Variants in EYS observed in about 807,000 individuals in gnomAD.
EYS encodes the protein protein eyes shut homolog.
Under a neutral mutation model 282.1 loss-of-function variants are expected in EYS, and 250 were observed. That is an observed-to-expected ratio of 0.89 (90% CI 0.80 to 0.98). The LOEUF (loss-of-function observed/expected upper bound fraction) is 0.98. EYS is among the 50% of genes least tolerant of loss of function. The pLI is 0.00. For missense variants in EYS, 4,016 were observed against 3,709.0 expected (o/e 1.08, Z -2.15); for synonymous variants, 1,355 against 1,282.9 (o/e 1.06, Z -1.20).
rs118172535 is a variant in EYS, at chr6:64,286,033, T to C, written c.6191+20937A>G. Among the ~76,000 whole-genome samples, 84 of 152,318 alleles carry C rather than the reference T, an allele frequency of 5.5e-4. 2 individuals carry two copies. In the East Asian group the frequency reaches 0.011, roughly 20 times the overall value. On this transcript the variant is annotated intron_variant, in intron 30 of 42. Transcript: ENST00000503581. Reference sequence around the variant, plus strand: ...AAATGGACAAATAGGATATGCCACATATGTTATATTAGCAAGAAATAAAGT... The same window carrying C: ...AAATGGACAAATAGGATATGCCACACATGTTATATTAGCAAGAAATAAAGT...
At chr6:63,722,487 G>A (rs1293062571) in intron 42 of EYS, among the ~76,000 whole-genome samples, 1 of 152,080 alleles carries the variant, frequency 6.6e-6, no homozygotes, top group African/African-American at 2.4e-5. Flanking sequence ...TGAAGAAATA[G>A]GAACAAATAC....
intron 30 of EYS, among the ~76,000 whole-genome samples, chr6:64,304,696 G>A (rs1769371849): frequency 6.6e-6 from 1 of 151,980 alleles, no homozygotes; most frequent in Admixed American, 6.6e-5. Context: ...AATGGTTAAA[G>A]TTGAAAATCA....
At chr6:64,373,920 C>T (rs1243238915) in intron 29 of EYS, among the ~76,000 whole-genome samples, 1 of 152,008 alleles carries the variant, frequency 6.6e-6, no homozygotes, top group African/African-American at 2.4e-5. Flanking sequence ...AGCAGGACCA[C>T]AGGGTCAGAA....
At chr6:65,379,138 C>G (rs1348035110) in intron 8 of EYS, among the ~76,000 whole-genome samples, 1 of 152,088 alleles carries the variant, frequency 6.6e-6, no homozygotes, top group Non-Finnish European at 1.5e-5. Flanking sequence ...CATCCTGATT[C>G]CAAAACCTGG....
chr6:65,185,053 T>A (rs1325738555), intron 12 of EYS, among the ~76,000 whole-genome samples: 1 of 151,518 alleles, frequency 6.6e-6, no homozygotes, highest in East Asian at 2.0e-4. Flanking sequence ...AAAAACTATA[T>A]GTGTGATTGA....
intron 15 of EYS, among the ~76,000 whole-genome samples, chr6:64,931,817 C>A (rs1037215983): frequency 5.9e-5 from 9 of 152,012 alleles, no homozygotes; most frequent in African/African-American, 2.2e-4. Context: ...ACTTACTTAT[C>A]CCAATTCACA....
chr6:63,756,994 T>G (rs144974394), intron 41 of EYS, among the ~76,000 whole-genome samples: 1 of 152,120 alleles, frequency 6.6e-6, no homozygotes, highest in Non-Finnish European at 1.5e-5. Context: ...GTTTGAACAA[T>G]ATGAAATCAG....
At chr6:65,009,965 A>G (rs1771814254) in intron 13 of EYS, among the ~76,000 whole-genome samples, 1 of 152,234 alleles carries the variant, frequency 6.6e-6, no homozygotes, top group Non-Finnish European at 1.5e-5. Flanking sequence ...CAAAATAGCC[A>G]GACCATTATA....
intron 28 of EYS, among the ~76,000 whole-genome samples, chr6:64,428,285 T>C (rs1467799531): frequency 6.6e-6 from 1 of 152,156 alleles, no homozygotes; most frequent in Admixed American, 6.5e-5. Context: ...TCTGTTTTCT[T>C]ATATGAAATA....
chr6:63,726,808 G>A lies in EYS; in HGVS notation c.8072-128C>T, dbSNP rs1172589409. ...TTTATCGCCCAAGAGTTGCTTGTAG[G>A]TGAGTACATCAAACCTTGGTAACTT... On this transcript the variant is annotated intron_variant, in intron 41 of 42. Transcript: ENST00000503581. 1.0e-5 allele frequency: 8 copies of A among 786,712 alleles called. No individual in the cohort carries two copies. The Admixed American group carries it at 1.1e-4, about 11-fold the overall frequency. 48.7% of individuals were successfully genotyped at this position (786,712 alleles called of 1,614,324 possible).
At chr6:64,270,099 G>T (rs1408307655) in intron 30 of EYS, among the ~76,000 whole-genome samples, 1 of 152,068 alleles carries the variant, frequency 6.6e-6, no homozygotes, top group African/African-American at 2.4e-5. Context: ...TGCAGCCTTA[G>T]TATTTATCGT....
At chr6:64,149,999 TA>T (rs1774648724) in intron 31 of EYS, among the ~76,000 whole-genome samples, 1 of 152,246 alleles carries the variant, frequency 6.6e-6, no homozygotes, top group Non-Finnish European at 1.5e-5. Flanking sequence ...AACTATGTTA[TA>T]GTCACCATTA....
intron 31 of EYS, among the ~76,000 whole-genome samples, chr6:64,141,571 A>G (rs1774339589): frequency 6.6e-6 from 1 of 152,196 alleles, no homozygotes; most frequent in Admixed American, 6.6e-5. Flanking sequence ...AATAGGCATG[A>G]AAATAAGCCC....
chr6:65,071,496 G>T (rs1415663607), intron 12 of EYS, among the ~76,000 whole-genome samples: 3 of 151,618 alleles, frequency 2.0e-5, no homozygotes, highest in Non-Finnish European at 3.0e-5. Flanking sequence ...ATAACAGGCA[G>T]ATCAACTAGA....
chr6:65,224,882 G>C (rs149112115), intron 12 of EYS, among the ~76,000 whole-genome samples: 1 of 152,068 alleles, frequency 6.6e-6, no homozygotes, highest in Non-Finnish European at 1.5e-5. Flanking sequence ...TGCAAAATCT[G>C]TCCGGACTTA....
intron 33 of EYS, among the ~76,000 whole-genome samples, chr6:64,063,442 A>T (rs1771251226): frequency 6.6e-6 from 1 of 151,928 alleles, no homozygotes; most frequent in African/African-American, 2.4e-5. Context: ...CTCTATTTTC[A>T]CTCCTAGTAT....
intron 12 of EYS, among the ~76,000 whole-genome samples, chr6:65,189,635 G>A (rs841528): frequency 0.38 from 57,442 of 151,488 alleles, 12,060 homozygotes; most frequent in African/African-American, 0.57. Flanking sequence ...TGACAGCAGC[G>A]TATACTAGAA....
chr6:64,101,718 G>A (rs1322819313), intron 31 of EYS, among the ~76,000 whole-genome samples: 1 of 151,942 alleles, frequency 6.6e-6, no homozygotes, highest in Non-Finnish European at 1.5e-5. Context: ...ATGGGGGAAT[G>A]GTTTTGGGAT....
chr6:64,980,402 G>A (rs1394668590), intron 14 of EYS, among the ~76,000 whole-genome samples: 1 of 151,384 alleles, frequency 6.6e-6, no homozygotes, highest in East Asian at 1.9e-4. Context: ...AAATTAGTCT[G>A]TAGCCTCAAG....
Sources: allele counts gnomAD v4.1 joint callset (sites outside exome capture counted in the v4.1 genomes callset), GRCh38; gene constraint gnomAD v4.1.1; transcripts MANE v1.5; gene names NCBI Gene and HGNC (gene_info 2026-07-23, HGNC 2026-07-21).